Variants in DNAJC28 observed in about 807,000 individuals in gnomAD.
DNAJC28 encodes dnaJ homolog subfamily C member 28.
DNAJC28 carries 24 observed loss-of-function variants against 33.3 expected under a neutral mutation model. The observed-to-expected ratio is 0.72, with a 90% CI of 0.52 to 1.01. The LOEUF is 1.01. DNAJC28 is among the 50% of genes least tolerant of loss of function. The pLI is 0.00. For missense variants in DNAJC28, 442 were observed against 455.2 expected (o/e 0.97, Z 0.26); for synonymous variants, 120 against 147.2 (o/e 0.82, Z 1.34).
At chr21:33,489,508 GC>G (rs1271161757) in intron 1 of DNAJC28, 84 bp from the exon 2 acceptor site, 1 of 680,012 alleles carries the variant, frequency 1.5e-6, no homozygotes, top group East Asian at 3.0e-5. Context: ...AAAAGATACA[GC>G]ATGAATTTAT....
Position 33,488,819 on chromosome 21 carries a change from T to C in DNAJC28, c.575A>G (p.Lys192Arg), listed in dbSNP as rs747761752. The change falls in exon 2 of 2, where the codon AAA (lysine) becomes AGA (arginine). Residue 192 changes from lysine (K) to arginine (R), a missense_variant. Lys to Arg is a conservative substitution (Grantham distance 26, BLOSUM62 2). Coordinates refer to ENST00000381947, the MANE Select transcript of DNAJC28 (RefSeq NM_001040192.3). ...SVIVKNIRQS[K>R]QQKITQAIER... Reference sequence around the variant, plus strand: ...TATAGCTTGCGTTATCTTTTGCTGTTTGCTCTGTCTTATATTTTTAACAAT... The same window carrying C: ...TATAGCTTGCGTTATCTTTTGCTGTCTGCTCTGTCTTATATTTTTAACAAT... The C allele has an allele frequency of 3.3e-5, 53 of 1,613,198 alleles. No individual in the cohort carries two copies. The Admixed American group carries it at 8.5e-4, about 26-fold the overall frequency.
intron 1 of DNAJC28, among the ~76,000 whole-genome samples, chr21:33,490,610 C>A (rs2084514005): frequency 6.7e-6 from 1 of 148,330 alleles, no homozygotes; most frequent in Admixed American, 6.9e-5. Flanking sequence ...CCTGTCTCTA[C>A]TAAAAATACA....
rs962782459 is a variant in DNAJC28 at position 33,488,161 on chromosome 21, T to C, written c.*66A>G. ...GCACAATTCTTAAATTCTTGTATTA[T>C]AGCAATAAATCTCATTTTCCATGTA... On this transcript the variant is annotated 3_prime_UTR_variant, in exon 2 of 2. Transcript: ENST00000381947. 2.6e-5 allele frequency: 33 copies of C among 1,253,322 alleles called. No individual in the cohort carries two copies. Among genetic ancestry groups the C allele is most frequent in the Non-Finnish European group, 3.5e-5 (32 of 927,046 alleles). 77.6% of individuals were successfully genotyped at this position (1,253,322 alleles called of 1,614,324 possible).
rs771104330 is a variant in DNAJC28, at chr21:33,489,246, T to C, written c.148A>G (p.Arg50Gly). ...MSTHKSKKKI[R>G]EYYRLLNVEE... ...ACGTTCAGCAGTCTATAATATTCTC[T>C]GATCTTCTTTTTGGATTTATGGGTT... The change falls in exon 2 of 2, where the codon AGA becomes GGA. Residue 50 changes from arginine to glycine, a missense_variant. By Grantham distance (125) the Arg-to-Gly change is moderately radical. Coordinates refer to ENST00000381947, the MANE Select transcript of DNAJC28 (RefSeq NM_001040192.3). 2.5e-6 allele frequency: 4 copies of C among 1,600,068 alleles called. No individual in the cohort carries two copies. Among genetic ancestry groups the C allele is most frequent in the Non-Finnish European group, 3.4e-6 (4 of 1,176,180 alleles).
Position 33,489,431 on chromosome 21 carries a change from AACG to A in DNAJC28, c.-31-10_-31-8del, listed in dbSNP as rs1194816949. The stretch of plus-strand genomic sequence containing the variant: ...AGTTCTTCCTAGCAATGACCTATAA[AACG>A]ACAACAAATATAGGTTGAACAAAGT... On this transcript the variant is annotated splice_polypyrimidine_tract_variant and splice_region_variant and intron_variant, in intron 1 of 1. Coordinates refer to ENST00000381947, the MANE Select transcript of DNAJC28 (RefSeq NM_001040192.3). The A allele has an allele frequency of 7.2e-7, 1 of 1,384,154 alleles. No homozygotes were observed. Among genetic ancestry groups the A allele is most frequent in the Non-Finnish European group, 9.6e-7 (1 of 1,041,820 alleles). 85.7% of individuals were successfully genotyped at this position (1,384,154 alleles called of 1,614,324 possible). A position where few individuals can be genotyped will look rare whatever the true frequency, so the allele number is the denominator to read the frequency against.
At chr21:33,491,565 A>C (rs907269703) in intron 1 of DNAJC28, 37 bp downstream of exon 1, 1 of 152,058 alleles carries the variant, frequency 6.6e-6, no homozygotes, top group Non-Finnish European at 1.5e-5. Context: ...GCCACTTTAC[A>C]CTGAGGGGCT....
intron 1 of DNAJC28, among the ~76,000 whole-genome samples, chr21:33,490,753 T>C (rs1007013486): frequency 1.2e-4 from 18 of 151,982 alleles, no homozygotes; most frequent in African/African-American, 4.3e-4. Context: ...AGAGTGAGAC[T>C]CTGTCTCAAA....
Position 33,488,289 on chromosome 21 carries a change from T to C in DNAJC28, c.1105A>G (p.Ile369Val). 10 of 1,547,358 alleles carry C rather than the reference T, an allele frequency of 6.5e-6. No individual in the cohort carries two copies. Among genetic ancestry groups the C allele is most frequent in the Non-Finnish European group, 8.6e-6 (10 of 1,156,672 alleles). Residue 369 changes from isoleucine to valine, a missense_variant, in exon 2 of 2, where the codon ATC (isoleucine) becomes GTC (valine). By Grantham distance (29) the Ile-to-Val change is conservative. Coordinates refer to ENST00000381947, the MANE Select transcript of DNAJC28 (RefSeq NM_001040192.3). Reference protein sequence around the residue: ...DQGEGEKTPEIKKGFLNWMNL... With the variant: ...DQGEGEKTPEVKKGFLNWMNL... ...ATCCAGTTTAAAAAACCTTTCTTGA[T>C]TTCAGGTGTTTTCTCTCCTTCTCCT...
At chr21:33,489,525 C>A in intron 1 of DNAJC28, 101 bp from the exon 2 acceptor site, 2 of 532,166 alleles carry the variant, frequency 3.8e-6, no homozygotes, top group Non-Finnish European at 6.1e-6. Context: ...TTTATAAGTA[C>A]AACAAGGGGC....
Position 33,488,642 on chromosome 21 carries a change from C to T in DNAJC28, c.752G>A (p.Gly251Glu). Residue 251 changes from glycine to glutamate, a missense_variant, in exon 2 of 2, where the codon GGA becomes GAA. Gly to Glu is a moderately conservative substitution (Grantham distance 98). Transcript: ENST00000381947. ...HNLNRILIDN[G>E]YQPEWILKQK... is the part of the protein sequence containing the mutation. ...CTTAAGGATCCATTCTGGTTGGTAT[C>T]CATTATCGATCAGTATTCGGTTCAG... 2.5e-6 allele frequency: 4 copies of T among 1,613,892 alleles called. No individual in the cohort carries two copies. The highest frequency in any genetic ancestry group is 3.4e-6 in the Non-Finnish European group (4 of 1,179,978).
chr21:33,490,191 C>T (rs1014328692), intron 1 of DNAJC28, among the ~76,000 whole-genome samples: 2 of 151,072 alleles, frequency 1.3e-5, no homozygotes, highest in African/African-American at 4.9e-5. Context: ...TCACTGCAAC[C>T]TCTGCCTCCC....
chr21:33,489,422 G>A lies in DNAJC28; in HGVS notation c.-29C>T. On this transcript the variant is annotated splice_region_variant and 5_prime_UTR_variant, in exon 2 of 2. Coordinates refer to ENST00000381947, the MANE Select transcript of DNAJC28 (RefSeq NM_001040192.3). ...TGTACCCAGAGTTCTTCCTAGCAAT[G>A]ACCTATAAAACGACAACAAATATAG... The A allele has an allele frequency of 1.4e-6, 2 of 1,446,714 alleles. No individual in the cohort carries two copies. The highest frequency in any genetic ancestry group is 9.1e-7 in the Non-Finnish European group (1 of 1,093,834). 89.6% of individuals were successfully genotyped at this position (1,446,714 alleles called of 1,614,324 possible).
chr21:33,490,088 C>T (rs2145651055), intron 1 of DNAJC28, among the ~76,000 whole-genome samples: 1 of 151,450 alleles, frequency 6.6e-6, no homozygotes, highest in East Asian at 1.9e-4. Context: ...CCACTGTGCC[C>T]AGCCACATTC....
chr21:33,488,465 C>T lies in DNAJC28; in HGVS notation c.929G>A (p.Arg310Gln), dbSNP rs182194192. Residue 310 changes from arginine to glutamine, a missense_variant, in exon 2 of 2, where the codon CGA becomes CAA. Coordinates refer to ENST00000381947, the MANE Select transcript of DNAJC28 (RefSeq NM_001040192.3). ...FQENIRKLNK[R>Q]INDFNLIVPI... is the part of the protein sequence containing the mutation. ...AACAATTAAATTAAAATCATTAATTCGCTTGTTTAATTTTCTGATGTTTTC... is the reference window on the plus strand; with the variant it reads ...AACAATTAAATTAAAATCATTAATTTGCTTGTTTAATTTTCTGATGTTTTC... 8.1e-5 allele frequency: 131 copies of T among 1,610,462 alleles called. No homozygotes were observed. The highest frequency in any genetic ancestry group is 3.8e-4 in the East Asian group (17 of 44,848).
rs142247238 is a variant in DNAJC28 at position 33,489,171 on chromosome 21, C to T, written c.223G>A (p.Ala75Thr). The T allele has an allele frequency of 1.9e-6, 3 of 1,611,382 alleles. No individual in the cohort carries two copies. Among genetic ancestry groups the T allele is most frequent in the Non-Finnish European group, 2.5e-6 (3 of 1,179,372 alleles). The change falls in exon 2 of 2, where the codon GCC becomes ACC. Residue 75 changes from alanine (A) to threonine (T), a missense_variant. By Grantham distance (58) the Ala-to-Thr change is moderately conservative. Transcript: ENST00000381947. ...CCACTGTCAGGATGATATTGCTTGG[C>T]AAGCTTATGAAAAGATTCCCTGACT... Reference protein sequence around the residue: ...DEVRESFHKLAKQYHPDSGSN... With the variant: ...DEVRESFHKLTKQYHPDSGSN...
chr21:33,490,415 T>A (rs2084512150), intron 1 of DNAJC28, among the ~76,000 whole-genome samples: 1 of 151,332 alleles, frequency 6.6e-6, no homozygotes, highest in South Asian at 2.1e-4. Flanking sequence ...CCCCACCAGC[T>A]GCATTCTTAT....
chr21:33,488,328 T>C lies in DNAJC28; in HGVS notation c.1066A>G (p.Asn356Asp), dbSNP rs1446979381. Reference protein sequence around the residue: ...KTKEVTDRNPNNLDQGEGEKT... With the variant: ...KTKEVTDRNPDNLDQGEGEKT... Reference sequence around the variant, plus strand: ...TCTCCTTCTCCTTGATCAAGGTTATTTGGGTTTCTATCTGTGACTTCTTTT... The same window carrying C: ...TCTCCTTCTCCTTGATCAAGGTTATCTGGGTTTCTATCTGTGACTTCTTTT... Residue 356 changes from asparagine (N) to aspartate (D), a missense_variant, in exon 2 of 2, where the codon AAT becomes GAT. Transcript: ENST00000381947. The C allele has an allele frequency of 1.8e-5, 28 of 1,580,678 alleles. No homozygotes were observed. Among genetic ancestry groups the C allele is most frequent in the Non-Finnish European group, 2.2e-5 (26 of 1,171,254 alleles).
intron 1 of DNAJC28, among the ~76,000 whole-genome samples, chr21:33,490,094 C>A (rs1161229097): frequency 6.6e-6 from 1 of 150,750 alleles, no homozygotes; most frequent in Non-Finnish European, 1.5e-5. Context: ...TGCCCAGCCA[C>A]ATTCTTTTTT....
Position 33,489,220 on chromosome 21 carries a change from C to G in DNAJC28, c.174G>C (p.Val58=). The part of the protein sequence containing the change: ...KIREYYRLLN[V]EEGCSADEVR... ...CTTCATCTGCAGAGCATCCTTCCTCCACGTTCAGCAGTCTATAATATTCTC... is the reference window on the plus strand; with the variant it reads ...CTTCATCTGCAGAGCATCCTTCCTCGACGTTCAGCAGTCTATAATATTCTC... The change falls in exon 2 of 2, where the codon GTG becomes GTC. Residue 58 remains valine, a synonymous_variant. Coordinates refer to ENST00000381947, the MANE Select transcript of DNAJC28 (RefSeq NM_001040192.3). The G allele has an allele frequency of 6.2e-7, 1 of 1,605,488 alleles. No homozygotes were observed. Among genetic ancestry groups the G allele is most frequent in the Non-Finnish European group, 8.5e-7 (1 of 1,177,288 alleles).
Sources: allele counts gnomAD v4.1 joint callset (sites outside exome capture counted in the v4.1 genomes callset), GRCh38; gene constraint gnomAD v4.1.1; transcripts MANE v1.5; gene names NCBI Gene and HGNC (gene_info 2026-07-23, HGNC 2026-07-21).